The following BICRAL variants were observed in gnomAD, a reference collection of about 807,000 sequenced individuals.
BICRAL encodes BICRA like chromatin remodeling complex associated protein.
In BICRAL, 8 loss-of-function variants were observed where a neutral mutation model predicts 91.8. That is an observed-to-expected ratio of 0.09 (90% CI 0.05 to 0.16). BICRAL has a LOEUF of 0.16. BICRAL is among the 10% of genes least tolerant of loss of function. The pLI, the probability that BICRAL is intolerant of heterozygous loss-of-function variation, is 1.00. For synonymous variants in BICRAL, 445 were observed against 491.1 expected (o/e 0.91, Z 1.24); for missense variants, 1,038 against 1,310.9 (o/e 0.79, Z 3.21).
intron 1 of BICRAL, among the ~76,000 whole-genome samples, chr6:42,756,616 G>T (rs1762463056): frequency 6.6e-6 from 1 of 151,856 alleles, no homozygotes; most frequent in Non-Finnish European, 1.5e-5. Context: ...CCAAAATGAG[G>T]TTTTTATTGC....
chr6:42,830,208 A>G lies in BICRAL; in HGVS notation c.1839+36A>G, dbSNP rs529305180. ...TTCCCAAATAAATATTTGGCTGATTATAGAATGGAAAAATGAGATGTGTAT... is the reference window on the plus strand; with the variant it reads ...TTCCCAAATAAATATTTGGCTGATTGTAGAATGGAAAAATGAGATGTGTAT... On this transcript the variant is annotated intron_variant, in intron 6 of 12. Coordinates refer to ENST00000314073, the MANE Select transcript of BICRAL (RefSeq NM_001393499.1). The G allele has an allele frequency of 1.4e-5, 22 of 1,595,772 alleles. No individual in the cohort carries two copies. In the East Asian group the frequency reaches 4.5e-4, roughly 32 times the overall value.
chr6:42,851,802 A>T (rs1355387806), intron 6 of BICRAL, among the ~76,000 whole-genome samples: 1 of 152,140 alleles, frequency 6.6e-6, no homozygotes, highest in African/African-American at 2.4e-5. Context: ...CAGCTTTTTC[A>T]TCTGAGCACC....
At chr6:42,825,433 C>T (rs1283783681) in intron 5 of BICRAL, among the ~76,000 whole-genome samples, 4 of 151,466 alleles carry the variant, frequency 2.6e-5, no homozygotes, top group Non-Finnish European at 2.9e-5. Context: ...GGCGTTGTGG[C>T]GGCTGCCTGT....
chr6:42,862,391 C>G (rs921809479), intron 11 of BICRAL, 119 bp from the exon 12 acceptor site: 2 of 709,328 alleles, frequency 2.8e-6, no homozygotes, highest in Admixed American at 4.0e-5. Flanking sequence ...AAAGGAGGCT[C>G]ACTTTTCACA....
chr6:42,816,231 T>G (rs2113928399), intron 2 of BICRAL, among the ~76,000 whole-genome samples: 1 of 151,732 alleles, frequency 6.6e-6, no homozygotes, highest in Non-Finnish European at 1.5e-5. Context: ...TCTAAGTATT[T>G]AGCTGGGCAC....
chr6:42,830,654 C>T (rs534647168), intron 6 of BICRAL, among the ~76,000 whole-genome samples: 73 of 152,074 alleles, frequency 4.8e-4, no homozygotes, highest in Non-Finnish European at 9.7e-4. Context: ...CTCACTTTGT[C>T]GCCTAGGCTG....
chr6:42,810,931 C>A (rs117374127), intron 2 of BICRAL, among the ~76,000 whole-genome samples: 1 of 152,276 alleles, frequency 6.6e-6, no homozygotes, highest in East Asian at 1.9e-4. Context: ...ATTTAAATAT[C>A]TGTCCTCCTT....
chr6:42,814,479 A>ATGTGTGTGTGTG (rs35473219), intron 2 of BICRAL, among the ~76,000 whole-genome samples: 29 of 79,010 alleles, frequency 3.7e-4, no homozygotes, highest in African/African-American at 5.4e-4. Flanking sequence ...ATATACATGC[A>ATGTGTGTGTGTG]TGTGTGTGTG....
At chr6:42,824,953 AC>A (rs1764247901) in intron 5 of BICRAL, among the ~76,000 whole-genome samples, 1 of 152,170 alleles carries the variant, frequency 6.6e-6, no homozygotes, top group Non-Finnish European at 1.5e-5. Context: ...CCCCATCTCT[AC>A]AAAAAATTTA....
At chr6:42,830,286 C>A in intron 6 of BICRAL, 114 bp downstream of exon 6, 2 of 1,152,086 alleles carry the variant, frequency 1.7e-6, no homozygotes, top group Non-Finnish European at 2.5e-6. Context: ...AAATTTTAGG[C>A]CAGGTGTAGT....
chr6:42,826,380 G>A (rs540887206), intron 5 of BICRAL, among the ~76,000 whole-genome samples: 44 of 151,620 alleles, frequency 2.9e-4, no homozygotes, highest in Non-Finnish European at 4.0e-4. Flanking sequence ...TATTACAGGC[G>A]TGTGTCACCG....
upstream of BICRAL, among the ~76,000 whole-genome samples, chr6:42,781,590 T>TGG (rs1762907738): frequency 2.5e-5 from 1 of 40,102 alleles, no homozygotes; most frequent in African/African-American, 8.1e-5. Context: ...ACTGGGTGGG[T>TGG]GGGTGGGTGT....
chr6:42,797,577 G>T (rs186670080), intron 1 of BICRAL, among the ~76,000 whole-genome samples: 4 of 152,076 alleles, frequency 2.6e-5, no homozygotes, highest in Non-Finnish European at 5.9e-5. Context: ...GAGGACTTAC[G>T]TTTCAGAGGG....
intron 6 of BICRAL, among the ~76,000 whole-genome samples, chr6:42,844,451 G>C (rs1033802329): frequency 7.3e-6 from 1 of 137,902 alleles, no homozygotes; most frequent in South Asian, 2.5e-4. Context: ...GGAGCTTGCA[G>C]TGAGCCGAGA....
chr6:42,790,758 G>A (rs1763248140), intron 1 of BICRAL, among the ~76,000 whole-genome samples: 1 of 151,968 alleles, frequency 6.6e-6, no homozygotes, highest in Non-Finnish European at 1.5e-5. Context: ...CGGGTGAAAC[G>A]GCATGATTTA....
At chr6:42,837,130 A>T (rs1764665086) in intron 6 of BICRAL, among the ~76,000 whole-genome samples, 1 of 150,778 alleles carries the variant, frequency 6.6e-6, no homozygotes, top group Non-Finnish European at 1.5e-5. Context: ...TATTTTTAGT[A>T]GAGACAGAGT....
intron 1 of BICRAL, among the ~76,000 whole-genome samples, chr6:42,791,993 CTG>C (rs778993420): frequency 1.5e-4 from 23 of 152,088 alleles, no homozygotes; most frequent in Non-Finnish European, 3.1e-4. Flanking sequence ...GTAACTGTAA[CTG>C]TATTTGTGTA....
chr6:42,859,136 A>G (rs1358401808), intron 10 of BICRAL, among the ~76,000 whole-genome samples: 1 of 152,048 alleles, frequency 6.6e-6, no homozygotes, highest in Admixed American at 6.6e-5. Context: ...CACGCCTATA[A>G]GCCCAGCATT....
chr6:42,819,117 C>A lies in BICRAL; in HGVS notation c.-5-2901C>A, dbSNP rs186596970. On this transcript the variant is annotated intron_variant, in intron 2 of 12. Transcript: ENST00000314073. Reference sequence around the variant, plus strand: ...TAGCCTCATAAAATCCACCTGGGGTCAGCCACCCATCTAGGGATTCCAGGG... The same window carrying A: ...TAGCCTCATAAAATCCACCTGGGGTAAGCCACCCATCTAGGGATTCCAGGG... 2.1e-3 allele frequency among the ~76,000 whole-genome samples: 318 copies of A among 152,244 alleles called. 1 individual carries two copies. The highest frequency in any genetic ancestry group is 7.4e-3 in the African/African-American group (307 of 41,524).
Sources: allele counts gnomAD v4.1 joint callset (sites outside exome capture counted in the v4.1 genomes callset), GRCh38; gene constraint gnomAD v4.1.1; transcripts MANE v1.5; gene names NCBI Gene and HGNC (gene_info 2026-07-23, HGNC 2026-07-21).